Variants in DEF8 observed in about 807,000 individuals in gnomAD.
The protein encoded by DEF8 is DEF-8.
In DEF8, 38 loss-of-function variants were observed where a neutral mutation model predicts 59.1. That is an observed-to-expected ratio of 0.64 (90% CI 0.50 to 0.84). The LOEUF (loss-of-function observed/expected upper bound fraction) is 0.84. Among genes scored for constraint, DEF8 ranks in the 40% least tolerant of loss-of-function variants. The pLI, the probability that DEF8 is intolerant of heterozygous loss-of-function variation, is 0.00. For synonymous variants in DEF8, 265 were observed against 250.1 expected (o/e 1.06, Z -0.56); for missense variants, 557 against 615.2 (o/e 0.91, Z 1.00).
chr16:89,952,040 G>T (rs2032231919), intron 2 of DEF8, among the ~76,000 whole-genome samples: 2 of 152,130 alleles, frequency 1.3e-5, no homozygotes, highest in South Asian at 4.1e-4. Flanking sequence ...ACCACACCTG[G>T]CTAATTTTTT....
rs2034391380 is a variant in DEF8, at chr16:89,964,217, C to T, written c.1050C>T (p.Val350=). The T allele has an allele frequency of 1.9e-6, 3 of 1,613,742 alleles. No homozygotes were observed. Among genetic ancestry groups the T allele is most frequent in the African/African-American group, 1.3e-5 (1 of 74,880 alleles). The stretch of plus-strand genomic sequence containing the variant: ...TGGAGAACGACGAGATGTACTCTGT[C>T]CAGGACCTCCTGGACGTGCATGCCG... ...HFVENDEMYS[V]QDLLDVHAGR... is the part of the protein sequence containing the mutation. The change falls in exon 11 of 13, where the codon GTC becomes GTT. Residue 350 remains valine (V), a synonymous_variant. Coordinates refer to ENST00000563594, the MANE Select transcript of DEF8 (RefSeq NM_001242818.2).
At chr16:89,950,024 G>C in intron 2 of DEF8, 7 of 1,028,724 alleles carry the variant, frequency 6.8e-6, no homozygotes, top group Non-Finnish European at 8.2e-6. Flanking sequence ...GGCTGGCACT[G>C]ACTGTCAGTA....
Position 89,960,924 on chromosome 16 carries a change from A to C in DEF8, c.515-7A>C. On this transcript the variant is annotated splice_polypyrimidine_tract_variant and splice_region_variant and intron_variant, in intron 6 of 12. Coordinates refer to ENST00000563594, the MANE Select transcript of DEF8 (RefSeq NM_001242818.2). ...GCTTTTGAGAAGTGTGTGTCCCTCCACCCTAGGGTGTTATTACCGCTGTCA... is the reference window on the plus strand; with the variant it reads ...GCTTTTGAGAAGTGTGTGTCCCTCCCCCCTAGGGTGTTATTACCGCTGTCA... 6.2e-7 allele frequency: 1 copy of C among 1,612,206 alleles called. No homozygotes were observed. Among genetic ancestry groups the C allele is most frequent in the African/African-American group, 1.3e-5 (1 of 74,940 alleles).
At chr16:89,960,008 C>T (rs1386463384) in intron 6 of DEF8, among the ~76,000 whole-genome samples, 5 of 150,760 alleles carry the variant, frequency 3.3e-5, no homozygotes, top group African/African-American at 7.4e-5. Context: ...AGCAGAGAGC[C>T]AGGTGTGGCT....
intron 9 of DEF8, 60 bp downstream of exon 9, chr16:89,962,185 C>G: frequency 6.9e-7 from 1 of 1,439,418 alleles, no homozygotes; most frequent in Non-Finnish European, 9.6e-7. Context: ...GCCCTAGGGC[C>G]GGGCCAGTAC....
chr16:89,950,535 G>A (rs933839682), intron 2 of DEF8, among the ~76,000 whole-genome samples: 1 of 152,028 alleles, frequency 6.6e-6, no homozygotes, highest in African/African-American at 2.4e-5. Flanking sequence ...TTACAGGCAT[G>A]CACCACCATG....
rs1252204610 is a variant in DEF8, at chr16:89,959,073, G to A, written c.432G>A (p.Glu144=). The A allele has an allele frequency of 1.2e-6, 2 of 1,613,832 alleles. No individual in the cohort carries two copies. Among genetic ancestry groups the A allele is most frequent in the Non-Finnish European group, 1.7e-6 (2 of 1,180,028 alleles). Reference sequence around the variant, plus strand: ...TCCTTGAGCACCGCTTTTACAAGGAGAAGAGCAAGAGCGTCAAGCAGACCT... The same window carrying A: ...TCCTTGAGCACCGCTTTTACAAGGAAAAGAGCAAGAGCGTCAAGCAGACCT... The part of the protein sequence containing the change: ...RVLLEHRFYK[E]KSKSVKQTCD... The change falls in exon 6 of 13, where the codon GAG becomes GAA. Residue 144 remains glutamate (E), a synonymous_variant. Coordinates refer to ENST00000563594, the MANE Select transcript of DEF8 (RefSeq NM_001242818.2).
chr16:89,954,393 G>A lies in DEF8; in HGVS notation c.124+17G>A, dbSNP rs2032752150. 1 of 1,611,902 alleles carries A rather than the reference G, an allele frequency of 6.2e-7. No homozygotes were observed. The highest frequency in any genetic ancestry group is 1.3e-5 in the African/African-American group (1 of 74,902). On this transcript the variant is annotated intron_variant, in intron 3 of 12. Coordinates refer to ENST00000563594, the MANE Select transcript of DEF8 (RefSeq NM_001242818.2). The surrounding 1 kb of genome is among the most constrained non-coding windows in gnomAD (Gnocchi z 4.3). ...CTCCTGAAGGTGGGTGCTGGTGGGA[G>A]TCAGGGTGGGAGCTGGGCAGGTCTC...
chr16:89,956,100 T>C (rs1183671142), intron 4 of DEF8, among the ~76,000 whole-genome samples: 2 of 151,714 alleles, frequency 1.3e-5, no homozygotes, highest in Admixed American at 1.3e-4. Flanking sequence ...GAAAACCTTT[T>C]ATTTTTATGC....
intron 7 of DEF8, 143 bp from the exon 8 acceptor site, chr16:89,961,594 A>T (rs774967746): frequency 4.2e-5 from 42 of 998,054 alleles, no homozygotes; most frequent in African/African-American, 1.3e-4. Context: ...CGCTGGGACC[A>T]CCTGAGGTCT....
chr16:89,949,572 G>T (rs759026372), intron 2 of DEF8, 59 bp downstream of exon 2: 2 of 1,613,368 alleles, frequency 1.2e-6, no homozygotes, highest in South Asian at 2.2e-5. Flanking sequence ...CAGGTTCTCG[G>T]GGTGGCAGCT....
chr16:89,959,511 T>C, intron 6 of DEF8: 2 of 454,036 alleles, frequency 4.4e-6, no homozygotes, highest in South Asian at 5.8e-5. Flanking sequence ...GGTTTTGTTT[T>C]TGAGACGGAG....
At chr16:89,952,756 C>T (rs1290782554) in intron 2 of DEF8, 1 of 152,258 alleles carries the variant, frequency 6.6e-6, no homozygotes, top group East Asian at 1.9e-4. Context: ...CTGTTGGGGT[C>T]CACGGGCAGC....
intron 6 of DEF8, chr16:89,959,489 TG>T: frequency 1.6e-6 from 1 of 612,764 alleles, no homozygotes; most frequent in African/African-American, 1.9e-5. Context: ...TGTTTTTGTT[TG>T]TTTTTGGTTT....
chr16:89,951,508 G>C (rs1199515757), intron 2 of DEF8, among the ~76,000 whole-genome samples: 1 of 152,200 alleles, frequency 6.6e-6, no homozygotes, highest in Non-Finnish European at 1.5e-5. Flanking sequence ...GCTTCCCAAA[G>C]TGCTGGGATT....
intron 2 of DEF8, among the ~76,000 whole-genome samples, chr16:89,953,825 T>A (rs9929107): frequency 6.6e-6 from 1 of 152,136 alleles, no homozygotes; most frequent in Non-Finnish European, 1.5e-5. Context: ...GAGAGGTGTG[T>A]CTCACATAGC....
At chr16:89,961,906 G>A in intron 8 of DEF8, 42 bp downstream of exon 8, 1 of 1,596,650 alleles carries the variant, frequency 6.3e-7, no homozygotes, top group Non-Finnish European at 8.6e-7. Context: ...GGGAGGGAGA[G>A]CAGGAAGGGG....
chr16:89,957,450 G>A lies in DEF8; in HGVS notation c.223-61G>A, dbSNP rs189965578. The A allele has an allele frequency of 8.0e-4, 1,218 of 1,522,742 alleles. 19 individuals are homozygous for A. In the South Asian group the frequency reaches 0.012, roughly 16 times the overall value. 94.3% of individuals were successfully genotyped at this position (1,522,742 alleles called of 1,614,324 possible). A position where few individuals can be genotyped will look rare whatever the true frequency, so the allele number is the denominator to read the frequency against. The stretch of plus-strand genomic sequence containing the variant: ...GCTCTGGGCCTGTCTCGGCGGATGG[G>A]CCTTAACAGGGAGCTCCTGCAGGAT... On this transcript the variant is annotated intron_variant, in intron 4 of 12. Coordinates refer to ENST00000563594, the MANE Select transcript of DEF8 (RefSeq NM_001242818.2).
intron 2 of DEF8, among the ~76,000 whole-genome samples, chr16:89,953,840 G>A (rs1477306781): frequency 6.6e-6 from 1 of 152,216 alleles, no homozygotes; most frequent in African/African-American, 2.4e-5. Flanking sequence ...CATAGCAGGT[G>A]GATAGCAAGC....
Sources: allele counts gnomAD v4.1 joint callset (sites outside exome capture counted in the v4.1 genomes callset), GRCh38; gene constraint gnomAD v4.1.1; non-coding constraint Gnocchi (gnomAD v3.1); transcripts MANE v1.5; gene names NCBI Gene and HGNC (gene_info 2026-07-23, HGNC 2026-07-21).